Variants in LSAMP observed in about 807,000 individuals in gnomAD.
The protein encoded by LSAMP is limbic system-associated membrane protein.
In LSAMP, 7 loss-of-function variants were observed where a neutral mutation model predicts 38.6. The ratio of observed to expected loss-of-function variants is 0.18; its 90% confidence interval spans 0.10 to 0.34. The LOEUF (loss-of-function observed/expected upper bound fraction) is 0.34, where lower values mean the gene tolerates loss of function less well. Among genes scored for constraint, LSAMP ranks in the 10% least tolerant of loss-of-function variants. The pLI, the probability that LSAMP is intolerant of heterozygous loss-of-function variation, is 1.00. For missense variants in LSAMP, 313 were observed against 420.0 expected (o/e 0.75, Z 2.23); for synonymous variants, 154 against 166.8 (o/e 0.92, Z 0.59).
In LSAMP at chr3:115,805,054, C is replaced by T. The variant is rs1416228914; in HGVS notation, c.*5263G>A. 3 of 152,162 alleles carry T rather than the reference C, an allele frequency of 2.0e-5. No individual in the cohort carries two copies. Among genetic ancestry groups the T allele is most frequent in the Non-Finnish European group, 4.4e-5 (3 of 68,032 alleles). 9.4% of individuals were successfully genotyped at this position (152,162 alleles called of 1,614,324 possible). On this transcript the variant is annotated 3_prime_UTR_variant, in exon 7 of 7. Coordinates refer to ENST00000490035, the MANE Select transcript of LSAMP (RefSeq NM_002338.5). ...ATATTTTGCTCATCAAGGTTTAGGT[C>T]ACTTCCTTGGAGCTATTTAAATAAG...
At position 116,078,277 on chromosome 3, in the gene LSAMP, C is replaced by CTTTATTTATTTATTTA. The variant is rs34346607; in HGVS notation, c.388+8031_388+8046dup. ...ATAATACAAAAGGGCTTTATATCCT[C>CTTTATTTATTTATTTA]TTTATTTATTTATTTATTTATTTAT... On this transcript the variant is annotated intron_variant, in intron 2 of 6. Transcript: ENST00000490035. 2.2e-3 allele frequency among the ~76,000 whole-genome samples: 330 copies of CTTTATTTATTTATTTA among 150,172 alleles called. 1 individual carries two copies. Among genetic ancestry groups the CTTTATTTATTTATTTA allele is most frequent in the African/African-American group, 7.5e-3 (307 of 41,122 alleles).
chr3:115,988,834 T>TATTTTCA (rs1939586030), intron 3 of LSAMP, among the ~76,000 whole-genome samples: 1 of 152,148 alleles, frequency 6.6e-6, no homozygotes, highest in African/African-American at 2.4e-5. Context: ...TGTCATCGCT[T>TATTTTCA]ATTTTCATCA....
chr3:115,984,234 T>A (rs1377716491), intron 3 of LSAMP, among the ~76,000 whole-genome samples: 1 of 151,628 alleles, frequency 6.6e-6, no homozygotes, highest in East Asian at 1.9e-4. Flanking sequence ...AAAAAAAAAA[T>A]CAGGAGTAAA....
At chr3:116,220,596 C>T (rs2046271747) in intron 1 of LSAMP, among the ~76,000 whole-genome samples, 2 of 152,140 alleles carry the variant, frequency 1.3e-5, no homozygotes, top group Non-Finnish European at 2.9e-5. Flanking sequence ...ATATCAATTT[C>T]TTATTCCTTT....
chr3:116,172,243 A>G (rs1710219549), intron 1 of LSAMP, among the ~76,000 whole-genome samples: 1 of 151,998 alleles, frequency 6.6e-6, no homozygotes, highest in South Asian at 2.1e-4. Flanking sequence ...GTTTATATGT[A>G]GTTTATATGT....
intron 1 of LSAMP, among the ~76,000 whole-genome samples, chr3:116,386,907 AAGG>A (rs1313917490): frequency 6.6e-6 from 1 of 152,194 alleles, no homozygotes; most frequent in Admixed American, 6.5e-5. Flanking sequence ...TGAAACAATG[AAGG>A]AGGAGAAGTA....
chr3:115,931,141 C>T (rs530407221), intron 3 of LSAMP, among the ~76,000 whole-genome samples: 17 of 152,220 alleles, frequency 1.1e-4, no homozygotes, highest in Admixed American at 3.9e-4. Context: ...TCCTTCCACC[C>T]GGGATTTCCC....
chr3:116,301,512 C>CTGTT (rs575999625), intron 1 of LSAMP, among the ~76,000 whole-genome samples: 5 of 152,304 alleles, frequency 3.3e-5, no homozygotes, highest in South Asian at 2.1e-4. Context: ...AACAGGTAGA[C>CTGTT]TGTTTGCTGA....
chr3:116,271,985 G>A (rs2046980392), intron 1 of LSAMP, among the ~76,000 whole-genome samples: 1 of 151,946 alleles, frequency 6.6e-6, no homozygotes. Context: ...TTAAAACCCA[G>A]GATGAAATAG....
At chr3:116,242,970 T>C (rs2046558330) in intron 1 of LSAMP, among the ~76,000 whole-genome samples, 1 of 152,090 alleles carries the variant, frequency 6.6e-6, no homozygotes, top group Admixed American at 6.5e-5. Context: ...CTATGAGTCA[T>C]TAAGAGTGAG....
At chr3:116,160,900 C>T (rs779004323) in intron 1 of LSAMP, among the ~76,000 whole-genome samples, 7 of 152,078 alleles carry the variant, frequency 4.6e-5, no homozygotes, top group Non-Finnish European at 7.4e-5. Flanking sequence ...GCAGAAGGAG[C>T]AATTCTACAC....
intron 1 of LSAMP, among the ~76,000 whole-genome samples, chr3:116,381,969 A>AG (rs1251995759): frequency 6.6e-6 from 1 of 152,146 alleles, no homozygotes; most frequent in Non-Finnish European, 1.5e-5. Flanking sequence ...AGACAAAAAA[A>AG]TAGTTTTTAT....
intron 1 of LSAMP, among the ~76,000 whole-genome samples, chr3:116,405,828 C>A (rs1489016243): frequency 1.3e-5 from 2 of 152,016 alleles, no homozygotes; most frequent in African/African-American, 4.8e-5. Context: ...GTAGAATCCA[C>A]CTTTCTGATC....
intron 1 of LSAMP, among the ~76,000 whole-genome samples, chr3:116,190,055 CA>C (rs1710716520): frequency 6.7e-6 from 1 of 150,036 alleles, no homozygotes; most frequent in South Asian, 2.1e-4. Flanking sequence ...AACCAAAAAC[CA>C]GACACCACTA....
intron 3 of LSAMP, among the ~76,000 whole-genome samples, chr3:115,936,197 C>A (rs567380127): frequency 6.6e-6 from 1 of 152,236 alleles, no homozygotes; most frequent in Non-Finnish European, 1.5e-5. Context: ...TTTGCTTTAG[C>A]GAGTCAGTAT....
chr3:115,869,269 G>GGAGAGAGAGAGAGAGA (rs35112915), intron 3 of LSAMP, among the ~76,000 whole-genome samples: 1,482 of 128,318 alleles, frequency 0.012, 31 homozygotes, highest in Middle Eastern at 0.021. Flanking sequence ...TCTTGGAGGG[G>GGAGAGAGAGAGAGAGA]GAGAGAGAGA....
At chr3:115,857,171 A>T (rs538644666) in intron 3 of LSAMP, among the ~76,000 whole-genome samples, 8 of 152,348 alleles carry the variant, frequency 5.3e-5, no homozygotes, top group Admixed American at 2.0e-4. Context: ...CACAGGCACG[A>T]TACAATCTTA....
At chr3:116,222,394 T>G (rs2046296067) in intron 1 of LSAMP, among the ~76,000 whole-genome samples, 2 of 152,174 alleles carry the variant, frequency 1.3e-5, no homozygotes, top group African/African-American at 2.4e-5. Context: ...GGTGCTCATT[T>G]TAAACTTTTA....
At chr3:116,111,454 C>T (rs1708613682) in intron 1 of LSAMP, among the ~76,000 whole-genome samples, 1 of 152,176 alleles carries the variant, frequency 6.6e-6, no homozygotes, top group South Asian at 2.1e-4. Context: ...ACCTCATTTC[C>T]ATCAATGGCA....
Sources: allele counts gnomAD v4.1 joint callset (sites outside exome capture counted in the v4.1 genomes callset), GRCh38; gene constraint gnomAD v4.1.1; transcripts MANE v1.5; gene names NCBI Gene and HGNC (gene_info 2026-07-23, HGNC 2026-07-21).